The following TMEM132B variants were observed in gnomAD, a reference collection of about 807,000 sequenced individuals.
TMEM132B encodes the protein transmembrane protein 132B.
In TMEM132B, 18 loss-of-function variants were observed where a neutral mutation model predicts 90.8. That is an observed-to-expected ratio of 0.20 (90% confidence interval 0.14 to 0.29). The LOEUF is 0.29. TMEM132B is among the 10% of genes least tolerant of loss of function. The pLI is 1.00. For missense variants in TMEM132B, 1,096 were observed against 1,326.8 expected (o/e 0.83, Z 2.70); for synonymous variants, 504 against 523.3 (o/e 0.96, Z 0.50).
At position 125,650,927 on chromosome 12, in the gene TMEM132B, C is replaced by A. The variant is rs770068135; in HGVS notation, c.1888C>A (p.Arg630=). The A allele has an allele frequency of 1.2e-6, 2 of 1,612,640 alleles. No homozygotes were observed. The highest frequency in any genetic ancestry group is 2.2e-5 in the East Asian group (1 of 44,866). Residue 630 remains arginine, a synonymous_variant, in exon 7 of 9, where the codon CGG becomes AGG. Transcript: ENST00000682704. The stretch of plus-strand genomic sequence containing the variant: ...ACAGGACGGCAGGACCCTGGCTGGT[C>A]GGGAGCCGGGAATAACCACGGTGCA... The part of the protein sequence containing the change: ...QLQDGRTLAG[R]EPGITTVQVL...
At chr12:125,515,743 CTCACACATAT>C (rs1426527654) in intron 3 of TMEM132B, among the ~76,000 whole-genome samples, 4 of 151,896 alleles carry the variant, frequency 2.6e-5, no homozygotes, top group African/African-American at 9.7e-5. Context: ...CACACACATT[CTCACACATAT>C]TCACACATTC....
chr12:125,512,626 A>C (rs1883009986), intron 3 of TMEM132B, among the ~76,000 whole-genome samples: 1 of 152,160 alleles, frequency 6.6e-6, no homozygotes, highest in South Asian at 2.1e-4. Context: ...TGAGTCCTAA[A>C]AGATAAGTCC....
intron 1 of TMEM132B, among the ~76,000 whole-genome samples, chr12:125,280,529 C>T (rs1010604526): frequency 6.6e-6 from 1 of 152,234 alleles, no homozygotes; most frequent in Non-Finnish European, 1.5e-5. Context: ...TCCATCGCAC[C>T]TGGCCATGGG....
At chr12:125,618,270 A>C (rs1435653047) in intron 5 of TMEM132B, among the ~76,000 whole-genome samples, 9 of 152,160 alleles carry the variant, frequency 5.9e-5, no homozygotes, top group African/African-American at 1.4e-4. Flanking sequence ...TAGTAGTCTC[A>C]ACTTGCCATG....
intron 1 of TMEM132B, chr12:125,326,712 AG>A: frequency 6.3e-7 from 1 of 1,593,656 alleles, no homozygotes; most frequent in South Asian, 1.2e-5. Context: ...CAACCAGGAC[AG>A]GGATGGGACC....
intron 5 of TMEM132B, among the ~76,000 whole-genome samples, chr12:125,592,174 T>A (rs1193087735): frequency 6.6e-6 from 1 of 152,244 alleles, no homozygotes; most frequent in Non-Finnish European, 1.5e-5. Flanking sequence ...ATTTAATCTT[T>A]ATGTGTCTAT....
chr12:125,313,328 G>C (rs1876165441), intron 1 of TMEM132B, among the ~76,000 whole-genome samples: 1 of 152,146 alleles, frequency 6.6e-6, no homozygotes, highest in Non-Finnish European at 1.5e-5. Context: ...TAGATGGTTA[G>C]TTATATGATG....
intron 3 of TMEM132B, among the ~76,000 whole-genome samples, chr12:125,434,623 G>T (rs1313006281): frequency 6.6e-6 from 1 of 152,170 alleles, no homozygotes; most frequent in African/African-American, 2.4e-5. Flanking sequence ...AGGAGGCGCC[G>T]GCTGTGGTCA....
intron 3 of TMEM132B, among the ~76,000 whole-genome samples, chr12:125,503,656 T>G (rs7956534): frequency 0.47 from 71,796 of 152,034 alleles, 17,486 homozygotes; most frequent in Middle Eastern, 0.64. Flanking sequence ...TCACGTACAC[T>G]AGGCCTTCTC....
In TMEM132B at chr12:125,650,791, G is replaced by A. The variant is rs952095821; in HGVS notation, c.1752G>A (p.Glu584=). The A allele has an allele frequency of 6.8e-6, 11 of 1,614,118 alleles. No homozygotes were observed. In the Admixed American group the frequency reaches 1.0e-4, roughly 15 times the overall value. ...GTGTCCTCACCCAGTTTGTGGCCGA[G>A]TCACCTGACTTAGGGCAGCTGACCT... ...TVRVLTQFVA[E]SPDLGQLTYM... is the part of the protein sequence containing the mutation. Residue 584 remains glutamate (E), a synonymous_variant, in exon 7 of 9, where the codon GAG becomes GAA. Transcript: ENST00000682704.
At chr12:125,446,401 T>C (rs1881007251) in intron 3 of TMEM132B, among the ~76,000 whole-genome samples, 1 of 152,174 alleles carries the variant, frequency 6.6e-6, no homozygotes, top group African/African-American at 2.4e-5. Flanking sequence ...TATAATAAAG[T>C]GGCCTACAGA....
intron 1 of TMEM132B, among the ~76,000 whole-genome samples, chr12:125,281,337 T>C (rs1875164096): frequency 1.3e-5 from 2 of 151,948 alleles, no homozygotes; most frequent in African/African-American, 4.8e-5. Flanking sequence ...CTTGGTAGGG[T>C]TGGAGAATAG....
intron 5 of TMEM132B, among the ~76,000 whole-genome samples, chr12:125,596,835 A>T (rs1885451122): frequency 1.3e-5 from 2 of 152,214 alleles, no homozygotes; most frequent in African/African-American, 4.8e-5. Flanking sequence ...AATGACAAAT[A>T]TTTGAGTTAC....
intron 5 of TMEM132B, among the ~76,000 whole-genome samples, chr12:125,596,868 G>A (rs1311772942): frequency 2.0e-5 from 3 of 152,224 alleles, no homozygotes; most frequent in Non-Finnish European, 4.4e-5. Flanking sequence ...TTTCATAGAA[G>A]CACAGTTGTA....
chr12:125,528,762 T>C (rs1281558463), intron 4 of TMEM132B, among the ~76,000 whole-genome samples: 1 of 152,224 alleles, frequency 6.6e-6, no homozygotes, highest in Admixed American at 6.5e-5. Flanking sequence ...GAAGCCTTAC[T>C]GACAACATAG....
At chr12:125,450,224 T>C (rs1881113783) in intron 3 of TMEM132B, among the ~76,000 whole-genome samples, 1 of 152,204 alleles carries the variant, frequency 6.6e-6, no homozygotes, top group Non-Finnish European at 1.5e-5. Context: ...GAAGAAGTGA[T>C]ACCTTGGAGA....
At chr12:125,231,225 G>C (rs1873813826) in intron 1 of TMEM132B, among the ~76,000 whole-genome samples, 1 of 151,230 alleles carries the variant, frequency 6.6e-6, no homozygotes, top group East Asian at 1.9e-4. Flanking sequence ...GTGTGTGTGT[G>C]TGTGTGTGTG....
At chr12:125,547,986 A>G (rs1038642282) in intron 4 of TMEM132B, among the ~76,000 whole-genome samples, 4 of 152,138 alleles carry the variant, frequency 2.6e-5, no homozygotes, top group Admixed American at 2.6e-4. Flanking sequence ...TATTATCTGG[A>G]TGATTCCTGG....
In TMEM132B at chr12:125,445,902, C is replaced by T. The variant is rs553148033; in HGVS notation, c.1106+30225C>T. Among the ~76,000 whole-genome samples, 22 of 145,650 alleles carry T rather than the reference C, an allele frequency of 1.5e-4. No homozygotes were observed. In the East Asian group the frequency reaches 4.1e-3, roughly 27 times the overall value. Reference sequence around the variant, plus strand: ...CACCCACCCACCAGCCTCAATCCTTCATCCCAGGATAGAGTTCCCTCCTTG... The same window carrying T: ...CACCCACCCACCAGCCTCAATCCTTTATCCCAGGATAGAGTTCCCTCCTTG... On this transcript the variant is annotated intron_variant, in intron 3 of 8. Coordinates refer to ENST00000682704, the MANE Select transcript of TMEM132B (RefSeq NM_001366854.1). This position sits in a 1 kb window ranked among gnomAD's most constrained non-coding sequence, Gnocchi z 4.3.
Sources: allele counts gnomAD v4.1 joint callset (sites outside exome capture counted in the v4.1 genomes callset), GRCh38; gene constraint gnomAD v4.1.1; non-coding constraint Gnocchi (gnomAD v3.1); transcripts MANE v1.5; gene names NCBI Gene and HGNC (gene_info 2026-07-23, HGNC 2026-07-21).